Variants in IL15RA observed in about 807,000 individuals in gnomAD.
The protein encoded by IL15RA is interleukin 15 receptor subunit alpha.
A neutral mutation model predicts 24.2 loss-of-function variants in IL15RA; 26 were observed. That is an observed-to-expected ratio of 1.07 (90% CI 0.79 to 1.49). The LOEUF (loss-of-function observed/expected upper bound fraction) is 1.49. Among genes scored for constraint, IL15RA ranks in the 40% most tolerant of loss-of-function variants. The pLI, the probability that IL15RA is intolerant of heterozygous loss-of-function variation, is 0.00. For missense variants in IL15RA, 354 were observed against 356.4 expected, an observed-to-expected ratio of 0.99 and a Z score of 0.05; for synonymous variants, 166 against 157.6, an observed-to-expected ratio of 1.05 and a Z score of -0.40.
chr10:5,977,310 A>C, intron 1 of IL15RA, 95 bp downstream of exon 1: 1 of 522,668 alleles, frequency 1.9e-6, no homozygotes, highest in Non-Finnish European at 2.9e-6. Flanking sequence ...ACGCCCCCGC[A>C]CGGCCCGGGG....
upstream of IL15RA, among the ~76,000 whole-genome samples, chr10:5,978,651 T>C (rs1255380375): frequency 6.6e-6 from 1 of 152,168 alleles, no homozygotes; most frequent in African/African-American, 2.4e-5. This position sits in a 1 kb window ranked among gnomAD's most constrained non-coding sequence, Gnocchi z 5.2. Context: ...ATCCAAGCAC[T>C]TTCGGAGGCC....
chr10:5,956,487 G>A lies in IL15RA; in HGVS notation c.617-33C>T, dbSNP rs775791982. 4.0e-6 allele frequency: 6 copies of A among 1,516,898 alleles called. No homozygotes were observed. In the Admixed American group the frequency reaches 5.0e-5, roughly 13 times the overall value. 94.0% of individuals were successfully genotyped at this position (1,516,898 alleles called of 1,614,324 possible). ...GGAGGAGACCACGCTGAGATACCCA[G>A]AAGCACATTCATTGCTACGAACCAC... On this transcript the variant is annotated intron_variant, in intron 5 of 6. Coordinates refer to ENST00000379977, the MANE Select transcript of IL15RA (RefSeq NM_002189.4).
Position 5,962,675 on chromosome 10 carries a change from G to A in IL15RA, c.382+1068C>T, listed in dbSNP as rs943057718. 6.6e-6 allele frequency among the ~76,000 whole-genome samples: 1 copy of A among 151,748 alleles called. No individual in the cohort carries two copies. The highest frequency in any genetic ancestry group is 6.6e-5 in the Admixed American group (1 of 15,246). ...CCCAGGCCAACTGGAGTGCCCAGGT[G>A]ATGTCAGTGTGTACCCACGGCTGAC... On this transcript the variant is annotated intron_variant, in intron 3 of 6. Coordinates refer to ENST00000379977, the MANE Select transcript of IL15RA (RefSeq NM_002189.4). The surrounding 1 kb of genome is among the most constrained non-coding windows in gnomAD (Gnocchi z 5.2).
In IL15RA at chr10:5,970,149, T is replaced by C. The variant is rs148334050; in HGVS notation, c.89-3810A>G. ...TCCATTTTATCTCCTTTGTTGGTTATTAACTATAACTCGTTGTACTAGTTT... is the reference window on the plus strand; with the variant it reads ...TCCATTTTATCTCCTTTGTTGGTTACTAACTATAACTCGTTGTACTAGTTT... On this transcript the variant is annotated intron_variant, in intron 1 of 6. Coordinates refer to ENST00000379977, the MANE Select transcript of IL15RA (RefSeq NM_002189.4). The surrounding 1 kb of genome is among the most constrained non-coding windows in gnomAD (Gnocchi z 4.1). Among the ~76,000 whole-genome samples, 196 of 152,336 alleles carry C rather than the reference T, an allele frequency of 1.3e-3. 1 individual carries two copies. Among genetic ancestry groups the C allele is most frequent in the Non-Finnish European group, 2.6e-3 (176 of 68,026 alleles).
Position 5,959,971 on chromosome 10 carries a change from A to T in IL15RA, c.584-185T>A, listed in dbSNP as rs973855430. Among the ~76,000 whole-genome samples, 1 of 152,198 alleles carries T rather than the reference A, an allele frequency of 6.6e-6. No individual in the cohort carries two copies. Among genetic ancestry groups the T allele is most frequent in the Non-Finnish European group, 1.5e-5 (1 of 68,030 alleles). On this transcript the variant is annotated intron_variant, in intron 4 of 6. Coordinates refer to ENST00000379977, the MANE Select transcript of IL15RA (RefSeq NM_002189.4). This position sits in a 1 kb window ranked among gnomAD's most constrained non-coding sequence, Gnocchi z 4.1. Reference sequence around the variant, plus strand: ...CTCACTGAGGTGCTGGCCACACTTAAGAATCAGATAAGCCTTACAGAAGGT... The same window carrying T: ...CTCACTGAGGTGCTGGCCACACTTATGAATCAGATAAGCCTTACAGAAGGT...
Position 5,968,869 on chromosome 10 carries a change from G to T in IL15RA, c.89-2530C>A. ...CAGGCCTCGTGTGTCTGGACCTCATGGTTGAAGCTTTCAGATATTCTGCTC... is the reference window on the plus strand; with the variant it reads ...CAGGCCTCGTGTGTCTGGACCTCATTGTTGAAGCTTTCAGATATTCTGCTC... On this transcript the variant is annotated intron_variant, in intron 1 of 6. Coordinates refer to ENST00000379977, the MANE Select transcript of IL15RA (RefSeq NM_002189.4). This position sits in a 1 kb window ranked among gnomAD's most constrained non-coding sequence, Gnocchi z 5.4. 1 of 1,183,298 alleles carries T rather than the reference G, an allele frequency of 8.5e-7. No individual in the cohort carries two copies. The highest frequency in any genetic ancestry group is 1.2e-6 in the Non-Finnish European group (1 of 824,754). The allele number at this position is 1,183,298 out of a possible 1,614,324, so 73.3% of individuals were successfully genotyped here. A position where few individuals can be genotyped will look rare whatever the true frequency, so the allele number is the denominator to read the frequency against.
Position 5,967,632 on chromosome 10 carries a change from G to C in IL15RA, c.89-1293C>G, listed in dbSNP as rs1232433432. Among the ~76,000 whole-genome samples the C allele has an allele frequency of 6.6e-6, 1 of 152,224 alleles. No homozygotes were observed. Among genetic ancestry groups the C allele is most frequent in the Non-Finnish European group, 1.5e-5 (1 of 68,048 alleles). On this transcript the variant is annotated intron_variant, in intron 1 of 6. Transcript: ENST00000379977. The surrounding 1 kb of genome is among the most constrained non-coding windows in gnomAD (Gnocchi z 4.4). ...ATTTTGGAATGCTTTCCATTCCCAGGATATAGTGCATTGGAGAGAGAGTGG... is the reference window on the plus strand; with the variant it reads ...ATTTTGGAATGCTTTCCATTCCCAGCATATAGTGCATTGGAGAGAGAGTGG...
intron 5 of IL15RA, 101 bp from the exon 6 acceptor site, chr10:5,956,555 C>T (rs1834547269): frequency 2.4e-6 from 2 of 839,204 alleles, no homozygotes; most frequent in Non-Finnish European, 4.0e-6. Flanking sequence ...ATCCAAGTGC[C>T]TCCCAACCAG....
intron 1 of IL15RA, among the ~76,000 whole-genome samples, chr10:5,969,749 G>A (rs184703288): frequency 1.6e-4 from 24 of 152,328 alleles, no homozygotes; most frequent in Middle Eastern, 3.4e-3. Context: ...TTAAAGATCA[G>A]TTTGGGGAAG....
At position 5,953,194 on chromosome 10, in the gene IL15RA, C is replaced by T. The variant is rs34873427; in HGVS notation, c.705G>A (p.Pro235=). 7.8e-5 allele frequency: 126 copies of T among 1,613,874 alleles called. No homozygotes were observed. The African/African-American group carries it at 7.9e-4, about 10-fold the overall frequency. Residue 235 remains proline (P), a synonymous_variant, in exon 7 of 7, where the codon CCG becomes CCA. Transcript: ENST00000379977. This position sits in a 1 kb window ranked among gnomAD's most constrained non-coding sequence, Gnocchi z 5.3. ...ACYLKSRQTP[P]LASVEMEAME... is the part of the protein sequence containing the mutation. The stretch of plus-strand genomic sequence containing the variant: ...TGGCTTCCATTTCAACGCTGGCCAG[C>T]GGGGGAGTTTGCCTGCAAAGCAGGT...
Position 5,970,899 on chromosome 10 carries a change from T to TAGAG in IL15RA, c.89-4564_89-4561dup, listed in dbSNP as rs1224907601. 2.0e-5 allele frequency among the ~76,000 whole-genome samples: 3 copies of TAGAG among 151,992 alleles called. No individual in the cohort carries two copies. The highest frequency in any genetic ancestry group is 7.2e-5 in the African/African-American group (3 of 41,396). ...CCTCAGCCTCCCGAGTAGCTGGGAC[T>TAGAG]AGAGGCACATGCCACCATACCTGGC... On this transcript the variant is annotated intron_variant, in intron 1 of 6. Coordinates refer to ENST00000379977, the MANE Select transcript of IL15RA (RefSeq NM_002189.4). This position sits in a 1 kb window ranked among gnomAD's most constrained non-coding sequence, Gnocchi z 4.1.
downstream of IL15RA, chr10:5,949,249 C>A: frequency 2.1e-6 from 1 of 471,224 alleles, no homozygotes; most frequent in Non-Finnish European, 4.4e-6. The surrounding 1 kb of genome is among the most constrained non-coding windows in gnomAD (Gnocchi z 4.4). Flanking sequence ...AGCTGCAAGT[C>A]AGGATGAGGG....
Position 5,968,659 on chromosome 10 carries a change from C to T in IL15RA, c.89-2320G>A. On this transcript the variant is annotated intron_variant, in intron 1 of 6. Coordinates refer to ENST00000379977, the MANE Select transcript of IL15RA (RefSeq NM_002189.4). This position sits in a 1 kb window ranked among gnomAD's most constrained non-coding sequence, Gnocchi z 5.4. ...GGTGCTGGAGTGTCAGAGGCTTTTT[C>T]TCCATGTTCTGCTCCACACTGATCT... The T allele has an allele frequency of 1.6e-6, 1 of 640,558 alleles. No individual in the cohort carries two copies. The highest frequency in any genetic ancestry group is 2.3e-5 in the Admixed American group (1 of 43,690). The allele number at this position is 640,558 out of a possible 1,614,324, so 39.7% of individuals were successfully genotyped here. A position where few individuals can be genotyped will look rare whatever the true frequency, so the allele number is the denominator to read the frequency against.
chr10:5,957,215 C>T (rs138826463), intron 5 of IL15RA, among the ~76,000 whole-genome samples: 60 of 152,212 alleles, frequency 3.9e-4, no homozygotes, highest in Middle Eastern at 3.4e-3. Flanking sequence ...CCTGCCTCAG[C>T]CTCCCAAAGT....
rs1272726209 is a variant in IL15RA at position 5,968,814 on chromosome 10, G to T, written c.89-2475C>A. The T allele has an allele frequency of 1.5e-5, 11 of 738,726 alleles. No homozygotes were observed. Among genetic ancestry groups the T allele is most frequent in the African/African-American group, 3.5e-5 (2 of 57,882 alleles). The allele number at this position is 738,726 out of a possible 1,614,324, so 45.8% of individuals were successfully genotyped here. ...GCTTGTCCGATGGTGGTGGCACTGG[G>T]GGCAGTTTTCCATTGTCCTGAGTCT... On this transcript the variant is annotated intron_variant, in intron 1 of 6. Transcript: ENST00000379977. This position sits in a 1 kb window ranked among gnomAD's most constrained non-coding sequence, Gnocchi z 5.4.
rs8177677 is a variant in IL15RA, at chr10:5,968,628, C to G, written c.89-2289G>C. On this transcript the variant is annotated intron_variant, in intron 1 of 6. Transcript: ENST00000379977. This position sits in a 1 kb window ranked among gnomAD's most constrained non-coding sequence, Gnocchi z 5.4. ...CCCACTGGCTTTGAGGCCTCTGGTG[C>G]TATCTGGTGCTGGAGTGTCAGAGGC... 2.6e-5 allele frequency: 16 copies of G among 609,738 alleles called. No individual in the cohort carries two copies. The African/African-American group carries it at 2.9e-4, about 11-fold the overall frequency. 37.8% of individuals were successfully genotyped at this position (609,738 alleles called of 1,614,324 possible).
chr10:5,949,571 C>G (rs1352209005), downstream of IL15RA, among the ~76,000 whole-genome samples: 1 of 151,982 alleles, frequency 6.6e-6, no homozygotes, highest in Non-Finnish European at 1.5e-5. The surrounding 1 kb of genome is among the most constrained non-coding windows in gnomAD (Gnocchi z 4.4). Flanking sequence ...GAGGTGGCAG[C>G]CTCAGCCAAG....
rs146132935 is a variant in IL15RA, at chr10:5,959,317, T to G, written c.616+437A>C. ...ACCATGCCTGGCCAAGAGTAGCATT[T>G]TATACCGAAAATGTGGACAGCTTCT... On this transcript the variant is annotated intron_variant, in intron 5 of 6. Transcript: ENST00000379977. The surrounding 1 kb of genome is among the most constrained non-coding windows in gnomAD (Gnocchi z 4.1). Among the ~76,000 whole-genome samples, 6 of 152,028 alleles carry G rather than the reference T, an allele frequency of 3.9e-5. No homozygotes were observed. Among genetic ancestry groups the G allele is most frequent in the Non-Finnish European group, 7.4e-5 (5 of 67,994 alleles).
Position 5,966,432 on chromosome 10 carries a change from T to A in IL15RA, c.89-93A>T. 9.4e-7 allele frequency: 1 copy of A among 1,066,616 alleles called. No homozygotes were observed. Among genetic ancestry groups the A allele is most frequent in the South Asian group, 1.5e-5 (1 of 67,324 alleles). 66.1% of individuals were successfully genotyped at this position (1,066,616 alleles called of 1,614,324 possible). A position where few individuals can be genotyped will look rare whatever the true frequency, so the allele number is the denominator to read the frequency against. ...ACGCAGCGGTAGTCAGTGTCCAGCT[T>A]ATCCTAGGGGTGCCTCAGGACAAGC... On this transcript the variant is annotated intron_variant, in intron 1 of 6. Coordinates refer to ENST00000379977, the MANE Select transcript of IL15RA (RefSeq NM_002189.4). The surrounding 1 kb of genome is among the most constrained non-coding windows in gnomAD (Gnocchi z 6.4).
Sources: allele counts gnomAD v4.1 joint callset (sites outside exome capture counted in the v4.1 genomes callset), GRCh38; gene constraint gnomAD v4.1.1; non-coding constraint Gnocchi (gnomAD v3.1); transcripts MANE v1.5; gene names NCBI Gene and HGNC (gene_info 2026-07-23, HGNC 2026-07-21).